BRAP: variants seen among roughly 807,000 people sequenced by gnomAD.
The protein encoded by BRAP is BRCA1-associated protein.
In BRAP, 42 loss-of-function variants were observed where a neutral mutation model predicts 73.4. The observed-to-expected ratio is 0.57, with a 90% confidence interval of 0.45 to 0.74. BRAP has a LOEUF of 0.74. Among genes scored for constraint, BRAP ranks in the 30% least tolerant of loss-of-function variants. The pLI is 0.00. For synonymous variants in BRAP, 255 were observed against 267.4 expected, an observed-to-expected ratio of 0.95 and a Z score of 0.45; for missense variants, 593 against 751.4, an observed-to-expected ratio of 0.79 and a Z score of 2.46.
At chr12:111,679,033 A>T in intron 4 of BRAP, 118 bp downstream of exon 4, 1 of 622,764 alleles carries the variant, frequency 1.6e-6, no homozygotes, top group Non-Finnish European at 2.5e-6. Context: ...ATTATATCTT[A>T]GAAGACATCT....
intron 11 of BRAP, among the ~76,000 whole-genome samples, chr12:111,647,624 G>C (rs1171045069): frequency 2.6e-5 from 4 of 152,172 alleles, no homozygotes; most frequent in Non-Finnish European, 4.4e-5. Context: ...ATTAGCCAGA[G>C]GCCAAGCACG....
intron 3 of BRAP, among the ~76,000 whole-genome samples, chr12:111,680,618 G>A (rs139862452): frequency 0.051 from 7,790 of 151,926 alleles, 263 homozygotes; most frequent in South Asian, 0.096. Flanking sequence ...GCTTGAACCC[G>A]GGAGGGGAGG....
intron 10 of BRAP, 137 bp from the exon 11 acceptor site, chr12:111,650,179 A>C (rs1251069050): frequency 4.2e-6 from 2 of 479,686 alleles, no homozygotes; most frequent in Non-Finnish European, 7.2e-6. Flanking sequence ...GAGATATGGC[A>C]GTTTCCAGGC....
At chr12:111,658,672 T>C in intron 9 of BRAP, 64 bp downstream of exon 9, 1 of 1,275,618 alleles carries the variant, frequency 7.8e-7, no homozygotes, top group African/African-American at 1.5e-5. Context: ...ATGACAAATA[T>C]TTCAAATTAG....
At chr12:111,672,819 C>A (rs956629001) in intron 4 of BRAP, 45 bp from the exon 5 acceptor site, 2 of 1,463,806 alleles carry the variant, frequency 1.4e-6, no homozygotes, top group Non-Finnish European at 9.5e-7. Flanking sequence ...AGACAGATAC[C>A]CTGAAAATCT....
intron 11 of BRAP, among the ~76,000 whole-genome samples, chr12:111,647,910 GA>G (rs547916783): frequency 2.7e-5 from 4 of 150,718 alleles, no homozygotes; most frequent in Non-Finnish European, 5.9e-5. Flanking sequence ...AAGAAAAAAA[GA>G]AAAAAAAATT....
At chr12:111,653,111 T>G (rs889884709) in intron 10 of BRAP, among the ~76,000 whole-genome samples, 1 of 152,058 alleles carries the variant, frequency 6.6e-6, no homozygotes, top group African/African-American at 2.4e-5. Context: ...GAGGATCGCT[T>G]GAGCATGAGA....
intron 10 of BRAP, among the ~76,000 whole-genome samples, chr12:111,650,973 T>C (rs1019410803): frequency 5.9e-5 from 9 of 152,148 alleles, no homozygotes; most frequent in Non-Finnish European, 1.2e-4. Context: ...GGAGTCTGGC[T>C]AGGTAGATAC....
At position 111,685,895 on chromosome 12, in the gene BRAP, A is replaced by C; in HGVS notation, c.-103T>G. On this transcript the variant is annotated 5_prime_UTR_variant, in exon 1 of 12. It adds an upstream start codon to the 5' untranslated region. Coordinates refer to ENST00000419234, the MANE Select transcript of BRAP (RefSeq NM_006768.5). ...GGGCCGGCAGCGCCGCCACCACCTCAATGCAGTTGCCGCCGCCTCAGCAGC... is the reference window on the plus strand; with the variant it reads ...GGGCCGGCAGCGCCGCCACCACCTCCATGCAGTTGCCGCCGCCTCAGCAGC... 3.2e-5 allele frequency: 22 copies of C among 685,058 alleles called. No homozygotes were observed. Among genetic ancestry groups the C allele is most frequent in the South Asian group, 3.9e-5 (1 of 25,960 alleles). The allele number at this position is 685,058 out of a possible 1,614,324, so 42.4% of individuals were successfully genotyped here. A position where few individuals can be genotyped will look rare whatever the true frequency, so the allele number is the denominator to read the frequency against.
Position 111,685,751 on chromosome 12 carries a change from T to C in BRAP, c.42A>G (p.Glu14=), listed in dbSNP as rs1887804697. The C allele has an allele frequency of 2.5e-6, 4 of 1,609,760 alleles. No individual in the cohort carries two copies. Among genetic ancestry groups the C allele is most frequent in the Non-Finnish European group, 3.4e-6 (4 of 1,178,902 alleles). The change falls in exon 1 of 12, where the codon GAA becomes GAG. Residue 14 remains glutamate, a synonymous_variant. Transcript: ENST00000419234. ...SLVVIRLELA[E]HSPVPAGFGF... is the part of the protein sequence containing the mutation. The stretch of plus-strand genomic sequence containing the variant: ...CGAAGCCGGCGGGGACAGGCGAGTG[T>C]TCCGCGAGCTCCAATCGGATAACAA...
chr12:111,680,567 G>A (rs1592999417), intron 3 of BRAP, among the ~76,000 whole-genome samples: 1 of 151,784 alleles, frequency 6.6e-6, no homozygotes, highest in Non-Finnish European at 1.5e-5. Flanking sequence ...GGGCGTGGTG[G>A]TGTGCACCTG....
At chr12:111,673,006 C>T (rs1776098441) in intron 4 of BRAP, 2 of 446,686 alleles carry the variant, frequency 4.5e-6, no homozygotes, top group Non-Finnish European at 7.9e-6. Flanking sequence ...AGAGTTTTTA[C>T]CTGAACTGGC....
chr12:111,656,148 A>G (rs1333727028), intron 9 of BRAP, among the ~76,000 whole-genome samples: 2 of 152,232 alleles, frequency 1.3e-5, no homozygotes, highest in South Asian at 2.1e-4. Context: ...AGCAAGGGTT[A>G]TATCTCTACT....
chr12:111,674,925 G>A (rs1366878611), intron 4 of BRAP, among the ~76,000 whole-genome samples: 1 of 152,132 alleles, frequency 6.6e-6, no homozygotes, highest in Non-Finnish European at 1.5e-5. Flanking sequence ...ACCAGTGGCT[G>A]GTAGAGCCCT....
At chr12:111,666,468 C>T (rs1319508973) in intron 5 of BRAP, among the ~76,000 whole-genome samples, 1 of 152,146 alleles carries the variant, frequency 6.6e-6, no homozygotes, top group Non-Finnish European at 1.5e-5. Flanking sequence ...AGAGATTGAG[C>T]CCCTGCTATG....
rs1885996860 is a variant in BRAP, at chr12:111,643,958, A to G, written c.*241T>C. The stretch of plus-strand genomic sequence containing the variant: ...TACCAAGCAGGAAGGCAAAATGGTC[A>G]TTAGAATGTGAGGTTAGTGAACTCT... On this transcript the variant is annotated 3_prime_UTR_variant, in exon 12 of 12. Transcript: ENST00000419234. The G allele has an allele frequency of 1.9e-6, 1 of 540,210 alleles. No homozygotes were observed. Among genetic ancestry groups the G allele is most frequent in the African/African-American group, 1.9e-5 (1 of 53,274 alleles). The allele number at this position is 540,210 out of a possible 1,614,324, so 33.5% of individuals were successfully genotyped here.
At chr12:111,647,856 T>C (rs1389624592) in intron 11 of BRAP, among the ~76,000 whole-genome samples, 1 of 149,420 alleles carries the variant, frequency 6.7e-6, no homozygotes, top group Non-Finnish European at 1.5e-5. Context: ...GATCACACCA[T>C]TGCAGCCTGG....
chr12:111,655,265 A>G (rs1009238091), intron 10 of BRAP, among the ~76,000 whole-genome samples: 1 of 151,908 alleles, frequency 6.6e-6, no homozygotes, highest in Admixed American at 6.6e-5. Flanking sequence ...TCAAATGACA[A>G]ACCCTCAGGT....
chr12:111,667,963 C>T (rs1887020924), intron 5 of BRAP, among the ~76,000 whole-genome samples: 1 of 152,090 alleles, frequency 6.6e-6, no homozygotes, highest in Non-Finnish European at 1.5e-5. Flanking sequence ...AATCCCAGCA[C>T]TTTGGGAGGC....
Sources: gnomAD v4.1 joint callset for allele counts (sites outside exome capture counted in the v4.1 genomes callset) on GRCh38, gnomAD v4.1.1 for gene constraint, MANE v1.5 for transcripts, NCBI Gene and HGNC (gene_info 2026-07-23, HGNC 2026-07-21) for gene names.